KAZN: variants seen among roughly 807,000 people sequenced by gnomAD.
The protein encoded by KAZN is kazrin, periplakin interacting protein, also known as kazrin.
KAZN carries 40 observed loss-of-function variants against 87.4 expected under a neutral mutation model. The observed-to-expected ratio is 0.46, with a 90% CI of 0.36 to 0.60. The LOEUF (loss-of-function observed/expected upper bound fraction) is 0.60. Among genes scored for constraint, KAZN ranks in the 20% least tolerant of loss-of-function variants. KAZN has a pLI of 0.00. For synonymous variants in KAZN, 466 were observed against 458.3 expected (o/e 1.02, Z -0.22); for missense variants, 898 against 1,073.9 (o/e 0.84, Z 2.29).
rs1646713725 is a variant in KAZN, at chr1:14,820,676, C to T, written c.227-140008C>T. 6.6e-6 allele frequency among the ~76,000 whole-genome samples: 1 copy of T among 152,172 alleles called. No homozygotes were observed. Among genetic ancestry groups the T allele is most frequent in the Non-Finnish European group, 1.5e-5 (1 of 68,034 alleles). On this transcript the variant is annotated intron_variant, in intron 1 of 14. Transcript: ENST00000376030. This position sits in a 1 kb window ranked among gnomAD's most constrained non-coding sequence, Gnocchi z 4.1. Reference sequence around the variant, plus strand: ...AACTTCAAAAGGAAGATGAAGGCCCCAGCAAGGGAGGTATTCCTGTCTTGA... The same window carrying T: ...AACTTCAAAAGGAAGATGAAGGCCCTAGCAAGGGAGGTATTCCTGTCTTGA...
At chr1:14,901,455 C>T (rs943804588) in intron 1 of KAZN, among the ~76,000 whole-genome samples, 2 of 152,056 alleles carry the variant, frequency 1.3e-5, no homozygotes, top group African/African-American at 4.8e-5. Context: ...AATGGGAAGC[C>T]AGTGGAGGAC....
chr1:15,110,186 GTGTA>G (rs1197879317), intron 13 of KAZN, among the ~76,000 whole-genome samples: 13 of 104,480 alleles, frequency 1.2e-4, no homozygotes, highest in Non-Finnish European at 2.1e-5. Context: ...TATGTGTGTT[GTGTA>G]TGTGTGTATG....
rs141446839 is a variant in KAZN at position 14,785,456 on chromosome 1, T to C, written c.227-175228T>C. Among the ~76,000 whole-genome samples the C allele has an allele frequency of 6.7e-3, 1,015 of 152,298 alleles. 12 individuals are homozygous for C. Among genetic ancestry groups the C allele is most frequent in the Middle Eastern group, 0.044 (13 of 294 alleles). On this transcript the variant is annotated intron_variant, in intron 1 of 14. Coordinates refer to ENST00000376030, the MANE Select transcript of KAZN (RefSeq NM_201628.3). ...GCCAAATCTTACCCTGTGGACAGAATGGATACCTCAGGGGAGGCCCGTTCC... is the reference window on the plus strand; with the variant it reads ...GCCAAATCTTACCCTGTGGACAGAACGGATACCTCAGGGGAGGCCCGTTCC...
At chr1:14,214,241 C>CTTTCTGTA (rs148821809) in intron 2 of KAZN, among the ~76,000 whole-genome samples, 3 of 151,818 alleles carry the variant, frequency 2.0e-5, no homozygotes, top group African/African-American at 7.3e-5. Context: ...CTCCGGCTTT[C>CTTTCTGTA]TTTGGAGTGT....
chr1:14,718,950 T>C (rs1236965174), intron 1 of KAZN, among the ~76,000 whole-genome samples: 1 of 152,088 alleles, frequency 6.6e-6, no homozygotes, highest in African/African-American at 2.4e-5. Flanking sequence ...GGGTTTGAGG[T>C]CAACATTTTT....
chr1:14,736,992 C>T (rs950851674), intron 1 of KAZN, among the ~76,000 whole-genome samples: 6 of 152,164 alleles, frequency 3.9e-5, no homozygotes, highest in South Asian at 2.1e-4. Flanking sequence ...GATCGGCGAT[C>T]GAGATCAATA....
chr1:14,881,751 T>C (rs1653363469), intron 1 of KAZN, among the ~76,000 whole-genome samples: 1 of 152,240 alleles, frequency 6.6e-6, no homozygotes, highest in Non-Finnish European at 1.5e-5. Context: ...ATATGAACCA[T>C]TTTGAATCGA....
At chr1:14,780,544 T>C (rs544742998) in intron 1 of KAZN, among the ~76,000 whole-genome samples, 2 of 152,318 alleles carry the variant, frequency 1.3e-5, no homozygotes, top group Admixed American at 6.5e-5. Flanking sequence ...CAAATGGAGA[T>C]AGTAATTAGA....
At chr1:13,909,420 T>C (rs1639568213) in intron 1 of KAZN, among the ~76,000 whole-genome samples, 1 of 151,814 alleles carries the variant, frequency 6.6e-6, no homozygotes, top group Non-Finnish European at 1.5e-5. Context: ...CTCTCTTAGG[T>C]AGTGAGGAGG....
chr1:14,658,797 T>G (rs943417388), intron 1 of KAZN, among the ~76,000 whole-genome samples: 1 of 152,160 alleles, frequency 6.6e-6, no homozygotes, highest in African/African-American at 2.4e-5. Flanking sequence ...AAGCCTCCAG[T>G]GTCTTCACTA....
chr1:15,110,399 GTCTGTGTATT>G (rs1641520550), intron 13 of KAZN, among the ~76,000 whole-genome samples: 3 of 149,894 alleles, frequency 2.0e-5, no homozygotes, highest in Admixed American at 6.6e-5. Flanking sequence ...GTTTGTGTGT[GTCTGTGTATT>G]TGTGTGTGCG....
At position 15,081,331 on chromosome 1, in the gene KAZN, G is replaced by C. The variant is rs903424105; in HGVS notation, c.1223-12849G>C. 1.3e-5 allele frequency among the ~76,000 whole-genome samples: 2 copies of C among 152,190 alleles called. No individual in the cohort carries two copies. Among genetic ancestry groups the C allele is most frequent in the African/African-American group, 4.8e-5 (2 of 41,456 alleles). On this transcript the variant is annotated intron_variant, in intron 8 of 14. Transcript: ENST00000376030. This position sits in a 1 kb window ranked among gnomAD's most constrained non-coding sequence, Gnocchi z 4.1. ...GTATTTACACCACAGAAATTGGCAA[G>C]CAAATGCTAAAACCAGTGTACCTCT...
At chr1:15,062,075 C>T (rs1271621097) in intron 6 of KAZN, 6 of 152,316 alleles carry the variant, frequency 3.9e-5, no homozygotes, top group Middle Eastern at 3.4e-3. Context: ...TTTGTCTTCT[C>T]GTGGTGGGCC....
chr1:14,375,634 C>T (rs2101030842), intron 2 of KAZN, among the ~76,000 whole-genome samples: 1 of 152,270 alleles, frequency 6.6e-6, no homozygotes, highest in Non-Finnish European at 1.5e-5. Context: ...CACCTGTAAT[C>T]CCAGCACTTT....
chr1:14,639,101 C>T (rs1335549811), intron 1 of KAZN, among the ~76,000 whole-genome samples: 1 of 152,190 alleles, frequency 6.6e-6, no homozygotes, highest in African/African-American at 2.4e-5. Flanking sequence ...CTTCCGTGCA[C>T]CCTTGGTGTG....
intron 1 of KAZN, among the ~76,000 whole-genome samples, chr1:13,967,450 G>A (rs1251257686): frequency 1.3e-5 from 2 of 152,166 alleles, no homozygotes; most frequent in Non-Finnish European, 2.9e-5. Flanking sequence ...GGGAATCAGT[G>A]GTGGCCAGCA....
intron 2 of KAZN, among the ~76,000 whole-genome samples, chr1:14,581,309 T>C (rs1354482641): frequency 2.0e-5 from 3 of 152,168 alleles, no homozygotes; most frequent in African/African-American, 7.2e-5. Context: ...ATTCAGGTCA[T>C]CCTTTTCTCC....
At chr1:15,043,576 G>A (rs868330121) in intron 3 of KAZN, among the ~76,000 whole-genome samples, 34 of 151,206 alleles carry the variant, frequency 2.2e-4, no homozygotes, top group African/African-American at 8.0e-4. Flanking sequence ...TCGTGCCCAC[G>A]GCTTTCCCAC....
intron 1 of KAZN, among the ~76,000 whole-genome samples, chr1:14,670,642 G>T (rs1307442016): frequency 1.3e-5 from 2 of 152,152 alleles, no homozygotes; most frequent in African/African-American, 4.8e-5. Context: ...AAATGAGCCC[G>T]ATTCATACCA....
Sources: gnomAD v4.1 joint callset for allele counts (sites outside exome capture counted in the v4.1 genomes callset) on GRCh38, gnomAD v4.1.1 for gene constraint, Gnocchi (gnomAD v3.1) non-coding constraint, MANE v1.5 for transcripts, NCBI Gene and HGNC (gene_info 2026-07-23, HGNC 2026-07-21) for gene names.